The following HSPA4L variants were observed in gnomAD, a reference collection of about 807,000 sequenced individuals.
The protein encoded by HSPA4L is heat shock protein family A (Hsp70) member 4 like, also known as heat shock 70 kDa protein 4L.
HSPA4L carries 48 observed loss-of-function variants against 100.3 expected under a neutral mutation model. The ratio of observed to expected loss-of-function variants is 0.48; its 90% CI spans 0.38 to 0.61. The LOEUF (loss-of-function observed/expected upper bound fraction) is 0.61. Among genes scored for constraint, HSPA4L ranks in the 20% least tolerant of loss-of-function variants. The probability of loss-of-function intolerance (pLI) is 0.00; values close to 1 mark genes in which losing one functional copy is unlikely to be tolerated. For synonymous variants in HSPA4L, 319 were observed against 328.2 expected, an observed-to-expected ratio of 0.97 and a Z score of 0.30; for missense variants, 886 against 988.6, an observed-to-expected ratio of 0.90 and a Z score of 1.39.
chr4:127,813,016 C>A (rs1733580494), intron 12 of HSPA4L: 1 of 900,992 alleles, frequency 1.1e-6, no homozygotes, highest in Non-Finnish European at 1.8e-6. Flanking sequence ...GTAGACTCTT[C>A]CAGTTTTGCC....
rs1235659012 is a variant in HSPA4L, at chr4:127,837,713, A to G, written c.*4839A>G. ...AGTAACAAAAATTTAATGCAGATCA[A>G]AGACCAAGGCTTGTAACCAAAACAA... On this transcript the variant is annotated 3_prime_UTR_variant, in exon 19 of 19. Coordinates refer to ENST00000296464, the MANE Select transcript of HSPA4L (RefSeq NM_014278.4). The G allele has an allele frequency of 6.6e-6, 1 of 152,242 alleles. No homozygotes were observed. Among genetic ancestry groups the G allele is most frequent in the African/African-American group, 2.4e-5 (1 of 41,464 alleles). The allele number at this position is 152,242 out of a possible 1,614,324, so 9.4% of individuals were successfully genotyped here.
At chr4:127,783,667 C>T (rs1458768963) in intron 1 of HSPA4L, 2 of 1,535,536 alleles carry the variant, frequency 1.3e-6, no homozygotes, top group Non-Finnish European at 1.7e-6. Context: ...ACCTATATTA[C>T]TTTTTATGGA....
chr4:127,796,617 C>T (rs1733029149), intron 3 of HSPA4L, among the ~76,000 whole-genome samples: 1 of 152,132 alleles, frequency 6.6e-6, no homozygotes, highest in Non-Finnish European at 1.5e-5. Context: ...TATCTTAACA[C>T]ATGGAATATT....
Position 127,798,569 on chromosome 4 carries a change from C to G in HSPA4L, c.307-18C>G. On this transcript the variant is annotated intron_variant, in intron 3 of 18. Coordinates refer to ENST00000296464, the MANE Select transcript of HSPA4L (RefSeq NM_014278.4). ...TAAACAAATGACTCTTAATAAATAT[C>G]CCAACTTTTGGTGTTAGGTGCGGTA... 6.2e-7 allele frequency: 1 copy of G among 1,611,436 alleles called. No individual in the cohort carries two copies. Among genetic ancestry groups the G allele is most frequent in the African/African-American group, 1.3e-5 (1 of 74,910 alleles).
At chr4:127,801,115 T>C (rs1462514016) in intron 4 of HSPA4L, 23 bp from the exon 5 acceptor site, 1 of 1,536,166 alleles carries the variant, frequency 6.5e-7, no homozygotes, top group Admixed American at 1.7e-5. Flanking sequence ...ACATTATACT[T>C]AACTGTTGTT....
chr4:127,803,839 A>G lies in HSPA4L; in HGVS notation c.874A>G (p.Met292Val), dbSNP rs1410525040. 1.2e-6 allele frequency: 2 copies of G among 1,613,946 alleles called. No individual in the cohort carries two copies. The highest frequency in any genetic ancestry group is 1.7e-5 in the Admixed American group (1 of 59,996). The change falls in exon 7 of 19, where the codon ATG (methionine) becomes GTG (valine). Residue 292 changes from methionine to valine, a missense_variant. By Grantham distance (21) the Met-to-Val change is conservative (BLOSUM62 1). Transcript: ENST00000296464. ...SDLPLNIECF[M>V]NDLDVSSKMN... ...TCTTCCATTGAACATTGAGTGTTTC[A>G]TGAATGACCTTGATGTTTCTAGTAA...
chr4:127,806,593 T>C (rs1418755108), intron 10 of HSPA4L, among the ~76,000 whole-genome samples: 2 of 152,018 alleles, frequency 1.3e-5, no homozygotes, highest in Non-Finnish European at 2.9e-5. Context: ...AAATTAATGT[T>C]TCCCTCTGTC....
Position 127,804,026 on chromosome 4 carries a change from A to G in HSPA4L, c.924A>G (p.Gln308=). 2.5e-6 allele frequency: 4 copies of G among 1,614,100 alleles called. 1 individual carries two copies. In the South Asian group the frequency reaches 3.3e-5, roughly 13 times the overall value. The part of the protein sequence containing the change: ...SSKMNRAQFE[Q]LCASLLARVE... ...TTTCTCACAGGGCTCAATTTGAACA[A>G]CTGTGTGCTTCCCTTTTGGCCAGGG... Residue 308 remains glutamine (Q), a synonymous_variant, in exon 8 of 19, where the codon CAA becomes CAG. Coordinates refer to ENST00000296464, the MANE Select transcript of HSPA4L (RefSeq NM_014278.4).
intron 1 of HSPA4L, among the ~76,000 whole-genome samples, chr4:127,793,803 G>T (rs1336524157): frequency 1.3e-5 from 2 of 152,060 alleles, no homozygotes; most frequent in Admixed American, 6.6e-5. Context: ...CTTTTAATGG[G>T]TCATAGATCA....
chr4:127,791,169 A>T (rs988130930), intron 1 of HSPA4L, among the ~76,000 whole-genome samples: 1 of 152,170 alleles, frequency 6.6e-6, no homozygotes, highest in Admixed American at 6.5e-5. Context: ...AATATATTTT[A>T]TTTAATTCAG....
rs1310768318 is a variant in HSPA4L, at chr4:127,833,655, A to G, written c.*781A>G. On this transcript the variant is annotated 3_prime_UTR_variant, in exon 19 of 19. Transcript: ENST00000296464. ...CAAAATGACTTTCATGTTAAGGGGAAATGCTGTTTATCTACTCAGACATGC... is the reference window on the plus strand; with the variant it reads ...CAAAATGACTTTCATGTTAAGGGGAGATGCTGTTTATCTACTCAGACATGC... 6.6e-6 allele frequency: 1 copy of G among 152,168 alleles called. No homozygotes were observed. 9.4% of individuals were successfully genotyped at this position (152,168 alleles called of 1,614,324 possible).
intron 11 of HSPA4L, among the ~76,000 whole-genome samples, chr4:127,809,743 G>A (rs1181986751): frequency 6.6e-6 from 1 of 152,028 alleles, no homozygotes; most frequent in Non-Finnish European, 1.5e-5. Context: ...TGAACTGGAT[G>A]GTCACAAAAA....
intron 6 of HSPA4L, among the ~76,000 whole-genome samples, chr4:127,803,228 T>C (rs1733244050): frequency 6.6e-6 from 1 of 152,212 alleles, no homozygotes; most frequent in Non-Finnish European, 1.5e-5. Flanking sequence ...TATTTAATCT[T>C]TGAATCTGCT....
At chr4:127,802,577 C>A (rs542502908) in intron 6 of HSPA4L, among the ~76,000 whole-genome samples, 42 of 152,102 alleles carry the variant, frequency 2.8e-4, no homozygotes, top group Non-Finnish European at 3.2e-4. Context: ...AATCCTTGGC[C>A]TTTAGTCTTA....
chr4:127,782,514 G>T lies in HSPA4L; in HGVS notation c.-37G>T, dbSNP rs747459013. 7.9e-6 allele frequency: 12 copies of T among 1,522,478 alleles called. No individual in the cohort carries two copies. In the Admixed American group the frequency reaches 1.5e-4, roughly 19 times the overall value. 94.3% of individuals were successfully genotyped at this position (1,522,478 alleles called of 1,614,324 possible). ...AAGAGGACACGGTTCCCGTACCGAA[G>T]GGTTCAGTACCAGCAGCCCGACCAT... On this transcript the variant is annotated 5_prime_UTR_variant, in exon 1 of 19. In the 5' UTR this introduces an upstream ATG that the reference lacks. Transcript: ENST00000296464.
chr4:127,807,506 A>T (rs1186415139), intron 10 of HSPA4L, among the ~76,000 whole-genome samples: 2 of 152,102 alleles, frequency 1.3e-5, no homozygotes, highest in African/African-American at 4.8e-5. Context: ...GTGCACTCAG[A>T]TGATGAAACA....
chr4:127,782,115 C>T, upstream of HSPA4L: 1 of 455,192 alleles, frequency 2.2e-6, no homozygotes, highest in Non-Finnish European at 4.4e-6. Context: ...GCTTCTCCCG[C>T]CCCCGGATAG....
At chr4:127,784,768 A>G (rs1041338366) in intron 1 of HSPA4L, among the ~76,000 whole-genome samples, 3 of 152,256 alleles carry the variant, frequency 2.0e-5, no homozygotes, top group Non-Finnish European at 2.9e-5. Context: ...ACATTTATCC[A>G]TCAATTCAAC....
intron 12 of HSPA4L, chr4:127,813,560 T>A (rs1733597941): frequency 2.1e-5 from 4 of 188,876 alleles, no homozygotes; most frequent in Non-Finnish European, 4.4e-5. Flanking sequence ...ATATGTAAAT[T>A]TAATCCATTA....
Sources: allele counts gnomAD v4.1 joint callset (sites outside exome capture counted in the v4.1 genomes callset), GRCh38; gene constraint gnomAD v4.1.1; transcripts MANE v1.5; gene names NCBI Gene and HGNC (gene_info 2026-07-23, HGNC 2026-07-21).